Variants in MCC observed in about 807,000 individuals in gnomAD.
MCC encodes colorectal mutant cancer protein.
In MCC, 90 loss-of-function variants were observed where a neutral mutation model predicts 116.2. The observed-to-expected ratio is 0.77, with a 90% CI of 0.65 to 0.92. The LOEUF is 0.92. MCC is among the 40% of genes least tolerant of loss of function. MCC has a pLI of 0.00. For synonymous variants in MCC, 578 were observed against 510.5 expected (o/e 1.13, Z -1.78); for missense variants, 1,516 against 1,312.2 (o/e 1.16, Z -2.40).
chr5:113,379,036 T>C (rs1437903564), intron 2 of MCC, among the ~76,000 whole-genome samples: 1 of 152,234 alleles, frequency 6.6e-6, no homozygotes, highest in Non-Finnish European at 1.5e-5. Context: ...GTATAATGTA[T>C]GCATCACTTT....
intron 3 of MCC, among the ~76,000 whole-genome samples, chr5:113,245,557 G>A (rs1447826686): frequency 6.6e-6 from 1 of 152,138 alleles, no homozygotes; most frequent in African/African-American, 2.4e-5. Flanking sequence ...CCAAGAAGAG[G>A]TATGCCACCA....
intron 2 of MCC, among the ~76,000 whole-genome samples, chr5:113,361,754 T>G (rs1768553941): frequency 6.6e-6 from 1 of 152,230 alleles, no homozygotes; most frequent in Non-Finnish European, 1.5e-5. Flanking sequence ...AGGGACCAGA[T>G]GGAACAAAGA....
At chr5:113,252,077 C>G (rs1226557300) in intron 3 of MCC, among the ~76,000 whole-genome samples, 4 of 152,332 alleles carry the variant, frequency 2.6e-5, no homozygotes, top group African/African-American at 7.2e-5. Context: ...CACCACAACC[C>G]TATTCCTCCA....
chr5:113,467,848 C>T (rs2150429216), intron 1 of MCC, among the ~76,000 whole-genome samples: 1 of 152,294 alleles, frequency 6.6e-6, no homozygotes, highest in Middle Eastern at 3.4e-3. Flanking sequence ...TTTGTATCCT[C>T]TTTTATTTCA....
chr5:113,121,191 T>C (rs1049049065), intron 6 of MCC, among the ~76,000 whole-genome samples: 11 of 152,228 alleles, frequency 7.2e-5, no homozygotes, highest in African/African-American at 2.2e-4. Context: ...AGTTCTGCAA[T>C]AGTTTCCAAG....
chr5:113,249,505 C>A (rs974892832), intron 3 of MCC, among the ~76,000 whole-genome samples: 7 of 152,200 alleles, frequency 4.6e-5, no homozygotes, highest in Admixed American at 1.3e-4. Context: ...CAAACATATG[C>A]CCTGTACCTA....
At chr5:113,303,702 C>G (rs1766917233) in intron 3 of MCC, among the ~76,000 whole-genome samples, 1 of 152,022 alleles carries the variant, frequency 6.6e-6, no homozygotes, top group African/African-American at 2.4e-5. Flanking sequence ...ACTCTGTCGC[C>G]CAGGCAATGG....
intron 3 of MCC, among the ~76,000 whole-genome samples, chr5:113,297,749 C>CA (rs57148050): frequency 0.15 from 9,204 of 60,452 alleles, 979 homozygotes; most frequent in Non-Finnish European, 0.18. Flanking sequence ...GACTCTGTCT[C>CA]AAAAAAAAAA....
rs537593669 is a variant in MCC at position 113,415,817 on chromosome 5, G to A, written c.171-30605C>T. Among the ~76,000 whole-genome samples the A allele has an allele frequency of 5.9e-5, 9 of 152,288 alleles. No homozygotes were observed. In the South Asian group the frequency reaches 8.3e-4, roughly 14 times the overall value. ...CGTCCAGCTTTGTTCCATTGCTGGCGAGGAGCTGTGATCCTTTGGAGGAGA... is the reference window on the plus strand; with the variant it reads ...CGTCCAGCTTTGTTCCATTGCTGGCAAGGAGCTGTGATCCTTTGGAGGAGA... On this transcript the variant is annotated intron_variant, in intron 1 of 18. Coordinates refer to ENST00000408903, the MANE Select transcript of MCC (RefSeq NM_001085377.2).
At chr5:113,045,354 C>T (rs1751999729) in intron 16 of MCC, among the ~76,000 whole-genome samples, 1 of 152,118 alleles carries the variant, frequency 6.6e-6, no homozygotes, top group African/African-American at 2.4e-5. Flanking sequence ...AAAAAAGGTT[C>T]AAGACTCAAA....
chr5:113,115,005 C>G (rs1757313646), intron 6 of MCC, among the ~76,000 whole-genome samples: 2 of 152,056 alleles, frequency 1.3e-5, no homozygotes, highest in Non-Finnish European at 2.9e-5. Flanking sequence ...AGAGGGCCCA[C>G]TGAGCTGCTT....
chr5:113,134,379 T>C (rs1422982896), intron 5 of MCC, among the ~76,000 whole-genome samples: 2 of 152,270 alleles, frequency 1.3e-5, no homozygotes, highest in South Asian at 2.1e-4. Context: ...GAGATGACTG[T>C]AGATGAGTAG....
chr5:113,118,944 C>G (rs985337889), intron 6 of MCC, among the ~76,000 whole-genome samples: 1 of 152,156 alleles, frequency 6.6e-6, no homozygotes, highest in Non-Finnish European at 1.5e-5. Context: ...CCACTCAGTT[C>G]CCAGATTCCT....
chr5:113,379,861 A>G (rs906920086), intron 2 of MCC, among the ~76,000 whole-genome samples: 2 of 152,148 alleles, frequency 1.3e-5, no homozygotes, highest in South Asian at 2.1e-4. Context: ...AAATGCTTAT[A>G]TTTTATTCTT....
chr5:113,104,125 A>T (rs972131976), intron 7 of MCC, 67 bp downstream of exon 7: 2 of 1,448,098 alleles, frequency 1.4e-6, no homozygotes, highest in Non-Finnish European at 1.9e-6. Context: ...CTGCACTTCA[A>T]GAGAAGGATT....
chr5:113,306,371 C>T (rs1307430447), intron 3 of MCC, among the ~76,000 whole-genome samples: 2 of 152,170 alleles, frequency 1.3e-5, no homozygotes, highest in Non-Finnish European at 2.9e-5. Flanking sequence ...ATTTCACATT[C>T]CCACTAGCCA....
At chr5:113,031,483 C>T (rs193183461) in intron 17 of MCC, among the ~76,000 whole-genome samples, 1 of 151,450 alleles carries the variant, frequency 6.6e-6, no homozygotes, top group African/African-American at 2.4e-5. Flanking sequence ...ACTCCTGCTT[C>T]CCTCCAGCTA....
intron 8 of MCC, among the ~76,000 whole-genome samples, chr5:113,089,452 GA>G (rs1755443806): frequency 6.6e-6 from 1 of 152,254 alleles, no homozygotes; most frequent in South Asian, 2.1e-4. Flanking sequence ...CTGAAGTAAG[GA>G]AGAAAAAGTT....
chr5:113,143,369 A>G lies in MCC; in HGVS notation c.742-9T>C, dbSNP rs1759304276. The G allele has an allele frequency of 6.2e-7, 1 of 1,613,484 alleles. No individual in the cohort carries two copies. Among genetic ancestry groups the G allele is most frequent in the African/African-American group, 1.3e-5 (1 of 74,898 alleles). On this transcript the variant is annotated splice_polypyrimidine_tract_variant and intron_variant, in intron 4 of 18. Transcript: ENST00000408903. Reference sequence around the variant, plus strand: ...AGGTGGGACTGCTCGCACTGGGAATAAGGGAAAAGGACAGAAGTGCTGATG... The same window carrying G: ...AGGTGGGACTGCTCGCACTGGGAATGAGGGAAAAGGACAGAAGTGCTGATG...
Sources: allele counts gnomAD v4.1 joint callset (sites outside exome capture counted in the v4.1 genomes callset), GRCh38; gene constraint gnomAD v4.1.1; transcripts MANE v1.5; gene names NCBI Gene and HGNC (gene_info 2026-07-23, HGNC 2026-07-21).